Variants in GBF1 observed in about 807,000 individuals in gnomAD.
GBF1 encodes the protein golgi brefeldin A resistant guanine nucleotide exchange factor 1, also known as Golgi-specific brefeldin A-resistance guanine nucleotide exchange factor 1.
Under a neutral mutation model 210.5 loss-of-function variants are expected in GBF1, and 114 were observed. The ratio of observed to expected loss-of-function variants is 0.54; its 90% CI spans 0.47 to 0.63. The LOEUF (loss-of-function observed/expected upper bound fraction) is 0.63, where lower values mean the gene tolerates loss of function less well. GBF1 is among the 30% of genes least tolerant of loss of function. The pLI is 0.00. For missense variants in GBF1, 1,851 were observed against 2,357.7 expected (o/e 0.79, Z 4.45); for synonymous variants, 850 against 889.2 (o/e 0.96, Z 0.78).
intron 38 of GBF1, among the ~76,000 whole-genome samples, chr10:102,380,895 CTACT>C (rs1315053669): frequency 1.3e-5 from 2 of 151,964 alleles, no homozygotes; most frequent in Non-Finnish European, 2.9e-5. Context: ...GTAGTCCCAG[CTACT>C]CAGGAGGCTG....
intron 3 of GBF1, among the ~76,000 whole-genome samples, chr10:102,317,883 T>A (rs1327086089): frequency 2.7e-5 from 4 of 149,388 alleles, no homozygotes. Flanking sequence ...TTCCTGTTGT[T>A]GGTTATTTAT....
chr10:102,277,193 T>C (rs1413459633), intron 3 of GBF1, among the ~76,000 whole-genome samples: 1 of 152,086 alleles, frequency 6.6e-6, no homozygotes, highest in Non-Finnish European at 1.5e-5. Context: ...TGTAGTGGCA[T>C]GTGCCTGCTG....
At chr10:102,266,668 A>G (rs1208670072) in intron 3 of GBF1, among the ~76,000 whole-genome samples, 1 of 152,260 alleles carries the variant, frequency 6.6e-6, no homozygotes, top group Non-Finnish European at 1.5e-5. Flanking sequence ...GAAATAAGTA[A>G]AAACAATAGC....
intron 3 of GBF1, among the ~76,000 whole-genome samples, chr10:102,316,352 G>T (rs547105323): frequency 6.6e-6 from 1 of 152,112 alleles, no homozygotes; most frequent in Non-Finnish European, 1.5e-5. Context: ...CTCCCAAAGC[G>T]CTGGGATTTA....
the GBF1 span, chr10:102,232,140 C>G: frequency 9.4e-7 from 1 of 1,065,778 alleles, no homozygotes; most frequent in African/African-American, 1.5e-5. Flanking sequence ...GTAAAATCTC[C>G]GGCTTAGCTA....
chr10:102,309,339 C>A (rs1410516043), intron 3 of GBF1, among the ~76,000 whole-genome samples: 5 of 152,216 alleles, frequency 3.3e-5, no homozygotes, highest in South Asian at 4.1e-4. Flanking sequence ...AATGTTAAAT[C>A]TGTGGATGCA....
Position 102,369,987 on chromosome 10 carries a change from A to G in GBF1, c.3339+3A>G, listed in dbSNP as rs754645727. On this transcript the variant is annotated splice_donor_region_variant and intron_variant, in intron 26 of 39. Coordinates refer to ENST00000369983, the MANE Select transcript of GBF1 (RefSeq NM_001377137.1). The stretch of plus-strand genomic sequence containing the variant: ...GAGTGGCCTTAGAGTGTATAAAGGT[A>G]ACTGCCCATCCACCCCTGGTGAGAA... 5.0e-6 allele frequency: 8 copies of G among 1,614,140 alleles called. No homozygotes were observed. Among genetic ancestry groups the G allele is most frequent in the Non-Finnish European group, 4.2e-6 (5 of 1,179,996 alleles).
chr10:102,335,244 TGACTGGCTCATCTTAGAACATG>T lies in GBF1; in HGVS notation c.164-8803_164-8782del, dbSNP rs201935477. On this transcript the variant is annotated intron_variant, in intron 3 of 39. Coordinates refer to ENST00000369983, the MANE Select transcript of GBF1 (RefSeq NM_001377137.1). Reference sequence around the variant, plus strand: ...CTCCTTGTGCCCTTTTTCCCCCAGATGACTGGCTCATCTTAGAACATGGACCAGTCACCTTCAGAGCACCTCT... The same window carrying T: ...CTCCTTGTGCCCTTTTTCCCCCAGATGACCAGTCACCTTCAGAGCACCTCT... Among the ~76,000 whole-genome samples the T allele has an allele frequency of 4.5e-4, 68 of 152,334 alleles. 2 individuals are homozygous for T. In the East Asian group the frequency reaches 0.011, roughly 25 times the overall value.
chr10:102,323,805 A>G (rs1422226001), intron 3 of GBF1, among the ~76,000 whole-genome samples: 3 of 152,112 alleles, frequency 2.0e-5, no homozygotes, highest in Admixed American at 6.6e-5. Flanking sequence ...CTTTCTTTTA[A>G]TGTTTCCATC....
chr10:102,235,853 G>A, the GBF1 span, among the ~76,000 whole-genome samples: 1 of 152,218 alleles, frequency 6.6e-6, no homozygotes, highest in Non-Finnish European at 1.5e-5. Context: ...TGAACACTCT[G>A]TCCTGAGCAT....
chr10:102,308,917 C>A (rs1297962370), intron 3 of GBF1, among the ~76,000 whole-genome samples: 1 of 151,570 alleles, frequency 6.6e-6, no homozygotes, highest in African/African-American at 2.4e-5. Context: ...ACCAAAGGAG[C>A]TTCTACTTCA....
the GBF1 span, chr10:102,230,936 G>A: frequency 6.2e-7 from 1 of 1,609,568 alleles, no homozygotes; most frequent in South Asian, 1.1e-5. Context: ...GCGAGCGGCG[G>A]GGCAAGAGCC....
intron 8 of GBF1, 31 bp downstream of exon 8, chr10:102,353,685 C>T (rs761015307): frequency 3.3e-5 from 51 of 1,538,222 alleles, no homozygotes; most frequent in Non-Finnish European, 4.4e-5. Context: ...TGCTGTCCCT[C>T]ATCCAAACCT....
At chr10:102,359,202 G>T in intron 10 of GBF1, 65 bp from the exon 11 acceptor site, 1 of 1,106,462 alleles carries the variant, frequency 9.0e-7, no homozygotes. Context: ...GCTACTTCAG[G>T]GGAGTAAGTT....
At chr10:102,327,331 G>A (rs947624675) in intron 3 of GBF1, among the ~76,000 whole-genome samples, 9 of 152,194 alleles carry the variant, frequency 5.9e-5, no homozygotes, top group African/African-American at 2.2e-4. Flanking sequence ...GGAGGGGTGT[G>A]CAGCAACATT....
rs1301183284 is a variant in GBF1, at chr10:102,359,273, G to C, written c.1018G>C (p.Gly340Arg). 1.7e-5 allele frequency: 27 copies of C among 1,610,412 alleles called. No homozygotes were observed. Among genetic ancestry groups the C allele is most frequent in the Non-Finnish European group, 2.3e-5 (27 of 1,176,768 alleles). Reference sequence around the variant, plus strand: ...TCCCTGCTACTGGTCATAGCAGGAAGGGACCCATGTGGAAAAGTCCCAGTC... The same window carrying C: ...TCCCTGCTACTGGTCATAGCAGGAACGGACCCATGTGGAAAAGTCCCAGTC... ...VPEQPDLQQEGTHVEKSQSAS... is the reference protein window; with the variant it reads ...VPEQPDLQQERTHVEKSQSAS... Residue 340 changes from glycine to arginine, a missense_variant, in exon 11 of 40, where the codon GGG becomes CGG. Physicochemically the swap from Gly to Arg is moderately radical, Grantham distance 125. This residue lies in a region of GBF1 where 804 missense variants were observed against 958.6 expected (regional missense o/e 0.84). Coordinates refer to ENST00000369983, the MANE Select transcript of GBF1 (RefSeq NM_001377137.1).
chr10:102,232,171 G>C, the GBF1 span: 3 of 802,404 alleles, frequency 3.7e-6, no homozygotes, highest in Non-Finnish European at 6.3e-6. Context: ...GCGTTTCCTC[G>C]TAAATTCCCT....
At chr10:102,284,154 T>C (rs890343659) in intron 3 of GBF1, among the ~76,000 whole-genome samples, 4 of 152,206 alleles carry the variant, frequency 2.6e-5, no homozygotes, top group African/African-American at 9.7e-5. Flanking sequence ...CTGGAAATTG[T>C]TCATGGTTTC....
chr10:102,353,025 G>T (rs552030261), intron 7 of GBF1, among the ~76,000 whole-genome samples: 2 of 152,244 alleles, frequency 1.3e-5, no homozygotes, highest in African/African-American at 4.8e-5. Context: ...TTCATACTAG[G>T]CCTGTTTCCT....
Sources: gnomAD v4.1 joint callset for allele counts (sites outside exome capture counted in the v4.1 genomes callset) on GRCh38, gnomAD v4.1.1 for gene constraint, gnomAD v4.1.1 regional missense constraint, MANE v1.5 for transcripts, NCBI Gene and HGNC (gene_info 2026-07-23, HGNC 2026-07-21) for gene names.